LTBP1: variants seen among roughly 807,000 people sequenced by gnomAD.
LTBP1 encodes latent-transforming growth factor beta-binding protein 1.
LTBP1 carries 129 observed loss-of-function variants against 207.6 expected under a neutral mutation model. That is an observed-to-expected ratio of 0.62 (90% CI 0.54 to 0.72). The LOEUF is 0.72. Among genes scored for constraint, LTBP1 ranks in the 30% least tolerant of loss-of-function variants. The probability of loss-of-function intolerance (pLI) is 0.00; values close to 1 mark genes in which losing one functional copy is unlikely to be tolerated. For missense variants in LTBP1, 2,281 were observed against 2,217.2 expected (o/e 1.03, Z -0.58); for synonymous variants, 963 against 833.7 (o/e 1.16, Z -2.67).
At chr2:32,978,968 A>G (rs1252017039) in intron 2 of LTBP1, among the ~76,000 whole-genome samples, 2 of 151,792 alleles carry the variant, frequency 1.3e-5, no homozygotes, top group Admixed American at 6.6e-5. Context: ...CATTTCTCCT[A>G]GGTTTTCTAA....
chr2:33,365,113 C>T lies in LTBP1; in HGVS notation c.4541-220C>T, dbSNP rs952985349. Reference sequence around the variant, plus strand: ...AGGAAGCTATAGAGAACTATTGTGTCGGGACCGGATGGGCAGCTGGAATTT... The same window carrying T: ...AGGAAGCTATAGAGAACTATTGTGTTGGGACCGGATGGGCAGCTGGAATTT... On this transcript the variant is annotated intron_variant, in intron 30 of 33. Coordinates refer to ENST00000404816, the MANE Select transcript of LTBP1 (RefSeq NM_206943.4). Among the ~76,000 whole-genome samples the T allele has an allele frequency of 5.3e-5, 8 of 152,064 alleles. No homozygotes were observed. The East Asian group carries it at 7.7e-4, about 15-fold the overall frequency.
chr2:33,124,024 T>C (rs78021487), intron 4 of LTBP1, among the ~76,000 whole-genome samples: 3,338 of 152,330 alleles, frequency 0.022, 107 homozygotes, highest in African/African-American at 0.076. Flanking sequence ...AAAATTGTAT[T>C]ATATTTTAGA....
intron 19 of LTBP1, among the ~76,000 whole-genome samples, chr2:33,287,848 C>G (rs76980648): frequency 0.015 from 2,211 of 152,328 alleles, 21 homozygotes; most frequent in East Asian, 0.025. Context: ...TACTATACCT[C>G]AAATGCAGTT....
At chr2:33,351,938 A>T (rs2094787346) in intron 26 of LTBP1, among the ~76,000 whole-genome samples, 1 of 152,120 alleles carries the variant, frequency 6.6e-6, no homozygotes, top group South Asian at 2.1e-4. Flanking sequence ...TCTGCTTTGG[A>T]GTCAACCATT....
intron 5 of LTBP1, among the ~76,000 whole-genome samples, chr2:33,146,166 G>T (rs1397401711): frequency 6.6e-6 from 1 of 152,178 alleles, no homozygotes; most frequent in South Asian, 2.1e-4. Context: ...CTCTATTTCA[G>T]CTGGTTATTT....
intron 24 of LTBP1, among the ~76,000 whole-genome samples, chr2:33,333,637 T>TA (rs961440330): frequency 1.3e-4 from 20 of 152,178 alleles, no homozygotes; most frequent in African/African-American, 1.2e-4. Context: ...GCTGACATGG[T>TA]AAAAAAACGA....
chr2:33,328,038 G>A (rs1227842193), intron 24 of LTBP1, among the ~76,000 whole-genome samples: 1 of 151,834 alleles, frequency 6.6e-6, no homozygotes, highest in Non-Finnish European at 1.5e-5. Context: ...GGGAGGCTGA[G>A]GCAGGAGAAT....
intron 29 of LTBP1, 77 bp downstream of exon 29, chr2:33,363,595 A>G (rs1275627806): frequency 1.4e-6 from 2 of 1,427,086 alleles, no homozygotes; most frequent in African/African-American, 2.8e-5. Flanking sequence ...ATGTAGTAAA[A>G]ACAATTTCCT....
intron 5 of LTBP1, among the ~76,000 whole-genome samples, chr2:33,149,363 C>T (rs1490723067): frequency 6.6e-6 from 1 of 151,678 alleles, no homozygotes; most frequent in Non-Finnish European, 1.5e-5. Context: ...GCCATTCTTT[C>T]CTATCAGACA....
At chr2:32,969,648 C>G (rs1411889069) in intron 2 of LTBP1, among the ~76,000 whole-genome samples, 2 of 152,112 alleles carry the variant, frequency 1.3e-5, no homozygotes, top group African/African-American at 4.8e-5. Flanking sequence ...TATATACATA[C>G]CACATTTTTT....
At chr2:32,977,143 C>T (rs1171059973) in intron 2 of LTBP1, among the ~76,000 whole-genome samples, 2 of 152,248 alleles carry the variant, frequency 1.3e-5, no homozygotes, top group African/African-American at 4.8e-5. Context: ...CTCTAGCAGG[C>T]ATGGCCTGCC....
rs763579722 is a variant in LTBP1 at position 33,397,117 on chromosome 2, G to T, written c.4835-16G>T. On this transcript the variant is annotated splice_polypyrimidine_tract_variant and intron_variant, in intron 32 of 33. Coordinates refer to ENST00000404816, the MANE Select transcript of LTBP1 (RefSeq NM_206943.4). ...GTTGAGAAGCTCTAACTTAGCTTCT[G>T]CCCTTTCCTTTCCAGGTTTTCTAAA... 3.1e-6 allele frequency: 5 copies of T among 1,611,686 alleles called. No individual in the cohort carries two copies. Among genetic ancestry groups the T allele is most frequent in the Non-Finnish European group, 4.2e-6 (5 of 1,178,492 alleles).
At chr2:33,348,242 T>C (rs1211898863) in intron 26 of LTBP1, among the ~76,000 whole-genome samples, 7 of 152,228 alleles carry the variant, frequency 4.6e-5, no homozygotes, top group Non-Finnish European at 7.3e-5. Flanking sequence ...TTATCCATGC[T>C]TCCATAATAG....
intron 28 of LTBP1, among the ~76,000 whole-genome samples, chr2:33,362,771 T>G (rs541237526): frequency 6.6e-6 from 1 of 152,338 alleles, no homozygotes; most frequent in African/African-American, 2.4e-5. Context: ...GAGTATCTGC[T>G]TATGCCAGAG....
chr2:33,238,367 T>C (rs2092150545), intron 9 of LTBP1, among the ~76,000 whole-genome samples: 2 of 152,212 alleles, frequency 1.3e-5, no homozygotes, highest in South Asian at 4.1e-4. Context: ...ACATACATAC[T>C]TTCCTGTAGG....
intron 7 of LTBP1, among the ~76,000 whole-genome samples, chr2:33,198,033 C>CT (rs1191417618): frequency 6.6e-6 from 1 of 152,162 alleles, no homozygotes; most frequent in Admixed American, 6.5e-5. Flanking sequence ...GTACAGCACT[C>CT]TAACACAGAT....
intron 5 of LTBP1, among the ~76,000 whole-genome samples, chr2:33,164,211 T>G (rs1404130409): frequency 6.6e-6 from 1 of 151,032 alleles, no homozygotes; most frequent in South Asian, 2.1e-4. Context: ...TAGCTGGGTG[T>G]GGTGGTGCAT....
At chr2:32,952,597 A>C (rs990424680) in intron 2 of LTBP1, among the ~76,000 whole-genome samples, 1 of 152,176 alleles carries the variant, frequency 6.6e-6, no homozygotes, top group Non-Finnish European at 1.5e-5. Context: ...CAAGTGGGGC[A>C]TTAAACCCCT....
chr2:33,263,540 A>C, intron 15 of LTBP1, 148 bp downstream of exon 15: 1 of 569,350 alleles, frequency 1.8e-6, no homozygotes, highest in South Asian at 2.5e-5. Flanking sequence ...TACAGTTAAA[A>C]AGGAGGAGTA....
Sources: allele counts gnomAD v4.1 joint callset (sites outside exome capture counted in the v4.1 genomes callset), GRCh38; gene constraint gnomAD v4.1.1; transcripts MANE v1.5; gene names NCBI Gene and HGNC (gene_info 2026-07-23, HGNC 2026-07-21).